The following LDLRAD3 variants were observed in gnomAD, a reference collection of about 807,000 sequenced individuals.
The protein encoded by LDLRAD3 is low density lipoprotein receptor class A domain containing 3.
LDLRAD3 carries 20 observed loss-of-function variants against 29.4 expected under a neutral mutation model. The ratio of observed to expected loss-of-function variants is 0.68; its 90% CI spans 0.48 to 0.99. The LOEUF is 0.99. Ranked by LOEUF, LDLRAD3 falls within the 50% of genes least tolerant of loss-of-function variation. LDLRAD3 has a pLI of 0.00. For missense variants in LDLRAD3, 420 were observed against 454.3 expected (o/e 0.92, Z 0.69); for synonymous variants, 157 against 192.7 (o/e 0.81, Z 1.53).
intron 4 of LDLRAD3, among the ~76,000 whole-genome samples, chr11:36,136,825 G>T (rs1854011308): frequency 6.6e-6 from 1 of 151,938 alleles, no homozygotes; most frequent in East Asian, 1.9e-4. Flanking sequence ...TGAGTAGCTG[G>T]GATTACAGGT....
intron 1 of LDLRAD3, chr11:35,967,094 C>A: frequency 5.0e-6 from 1 of 200,116 alleles, no homozygotes; most frequent in East Asian, 1.3e-4. Flanking sequence ...TTTCTGATCC[C>A]GTGTGGTCCC....
intron 4 of LDLRAD3, among the ~76,000 whole-genome samples, chr11:36,205,114 T>G (rs772491962): frequency 6.6e-6 from 1 of 152,238 alleles, no homozygotes; most frequent in Non-Finnish European, 1.5e-5. Context: ...AGCGCCATGT[T>G]CTGTTCATTT....
At position 36,231,568 on chromosome 11, in the gene LDLRAD3, A is replaced by G. The variant is rs1426302728; in HGVS notation, c.*2171A>G. On this transcript the variant is annotated 3_prime_UTR_variant, in exon 6 of 6. Coordinates refer to ENST00000315571, the MANE Select transcript of LDLRAD3 (RefSeq NM_174902.4). ...ATTTTAATTAATTGCGCAGTGAGTTAATCTCACTCGCTTTTCTGCTTCCAG... is the reference window on the plus strand; with the variant it reads ...ATTTTAATTAATTGCGCAGTGAGTTGATCTCACTCGCTTTTCTGCTTCCAG... The G allele has an allele frequency of 6.6e-6, 1 of 152,164 alleles. No homozygotes were observed. The highest frequency in any genetic ancestry group is 1.5e-5 in the Non-Finnish European group (1 of 68,028). The allele number at this position is 152,164 out of a possible 1,614,324, so 9.4% of individuals were successfully genotyped here.
chr11:36,191,582 A>C (rs554133249), intron 4 of LDLRAD3, among the ~76,000 whole-genome samples: 1,610 of 73,654 alleles, frequency 0.022, 14 homozygotes, highest in African/African-American at 0.037. Context: ...CTCTCTATAT[A>C]TATATATATA....
At chr11:36,027,860 C>T (rs1852187644) in intron 1 of LDLRAD3, among the ~76,000 whole-genome samples, 1 of 152,168 alleles carries the variant, frequency 6.6e-6, no homozygotes, top group Non-Finnish European at 1.5e-5. Flanking sequence ...TTATCACAAG[C>T]CAGATAAAAT....
At position 35,977,569 on chromosome 11, in the gene LDLRAD3, A is replaced by T. The variant is rs545391687; in HGVS notation, c.46+33425A>T. ...TCTCCCAAGCAGCTTTACTAGAGGA[A>T]TAAGAGGTATCCTGGGAGAGTACAG... On this transcript the variant is annotated intron_variant, in intron 1 of 5. Transcript: ENST00000315571. Among the ~76,000 whole-genome samples, 156 of 152,288 alleles carry T rather than the reference A, an allele frequency of 1.0e-3. 1 individual carries two copies. The highest frequency in any genetic ancestry group is 3.5e-3 in the African/African-American group (147 of 41,570).
At chr11:36,071,555 T>C (rs745707339) in intron 2 of LDLRAD3, among the ~76,000 whole-genome samples, 3 of 152,236 alleles carry the variant, frequency 2.0e-5, no homozygotes, top group African/African-American at 4.8e-5. Flanking sequence ...TGATGATGTG[T>C]ACCAGTAGTT....
chr11:35,967,520 T>A, intron 1 of LDLRAD3: 1 of 365,078 alleles, frequency 2.7e-6, no homozygotes, highest in South Asian at 2.2e-5. Flanking sequence ...GCAGCAACTA[T>A]CTGCTTTTTC....
chr11:35,955,834 T>G (rs112889301), intron 1 of LDLRAD3, among the ~76,000 whole-genome samples: 1,746 of 152,328 alleles, frequency 0.011, 40 homozygotes, highest in African/African-American at 0.04. Flanking sequence ...AATGGGGAAG[T>G]GCTCATCAGG....
At chr11:36,122,578 T>C (rs1034198833) in intron 4 of LDLRAD3, among the ~76,000 whole-genome samples, 1 of 152,142 alleles carries the variant, frequency 6.6e-6, no homozygotes, top group Admixed American at 6.5e-5. Flanking sequence ...TAATAATTAC[T>C]ATTATTATTA....
At chr11:36,192,934 C>T (rs1233357750) in intron 4 of LDLRAD3, among the ~76,000 whole-genome samples, 1 of 152,194 alleles carries the variant, frequency 6.6e-6, no homozygotes, top group African/African-American at 2.4e-5. Context: ...TACTTACTAG[C>T]TGGGTGCAAC....
rs75292238 is a variant in LDLRAD3, at chr11:36,079,063, G to T, written c.194-2590G>T. The stretch of plus-strand genomic sequence containing the variant: ...TGGGGTTTTTGGCTCCCTCAGGGAC[G>T]CAGGGCACAGGGGACCTACTGCCGC... On this transcript the variant is annotated intron_variant, in intron 2 of 5. Coordinates refer to ENST00000315571, the MANE Select transcript of LDLRAD3 (RefSeq NM_174902.4). Among the ~76,000 whole-genome samples the T allele has an allele frequency of 4.6e-3, 703 of 152,268 alleles. 6 individuals carry two copies. The highest frequency in any genetic ancestry group is 0.016 in the African/African-American group (671 of 41,568).
intron 4 of LDLRAD3, among the ~76,000 whole-genome samples, chr11:36,137,418 A>T (rs2133311620): frequency 6.6e-6 from 1 of 152,354 alleles, no homozygotes; most frequent in South Asian, 2.1e-4. Context: ...GTAACCTCTC[A>T]TCAGAATTAG....
intron 1 of LDLRAD3, among the ~76,000 whole-genome samples, chr11:35,988,361 T>C (rs1851640475): frequency 6.6e-6 from 1 of 152,114 alleles, no homozygotes; most frequent in Admixed American, 6.5e-5. Flanking sequence ...TGCCTGGCTG[T>C]ATGTCTTCTT....
At chr11:36,014,438 C>T (rs767219006) in intron 1 of LDLRAD3, among the ~76,000 whole-genome samples, 1 of 152,188 alleles carries the variant, frequency 6.6e-6, no homozygotes, top group Non-Finnish European at 1.5e-5. Context: ...GGAATGGAAG[C>T]GGCTGGAAGG....
At chr11:36,062,196 T>C (rs1421893365) in intron 2 of LDLRAD3, among the ~76,000 whole-genome samples, 1 of 152,060 alleles carries the variant, frequency 6.6e-6, no homozygotes, top group Non-Finnish European at 1.5e-5. Context: ...ATTTCTATGA[T>C]AAAAATAACT....
intron 4 of LDLRAD3, among the ~76,000 whole-genome samples, chr11:36,186,695 G>T (rs541771138): frequency 6.6e-6 from 1 of 152,132 alleles, no homozygotes; most frequent in African/African-American, 2.4e-5. Flanking sequence ...GACGGATGGG[G>T]TATGAATCCC....
At chr11:36,098,189 A>G in intron 3 of LDLRAD3, 138 bp from the exon 4 acceptor site, 1 of 1,031,970 alleles carries the variant, frequency 9.7e-7, no homozygotes, top group Non-Finnish European at 1.4e-6. Flanking sequence ...GCCTTACAGC[A>G]TGGGCTTTGA....
intron 1 of LDLRAD3, among the ~76,000 whole-genome samples, chr11:36,031,971 A>G (rs369483519): frequency 1.5e-4 from 23 of 152,218 alleles, no homozygotes; most frequent in African/African-American, 4.8e-4. Context: ...GTGCAGGATT[A>G]GCGTCCTCTG....
Sources: allele counts gnomAD v4.1 joint callset (sites outside exome capture counted in the v4.1 genomes callset), GRCh38; gene constraint gnomAD v4.1.1; transcripts MANE v1.5; gene names NCBI Gene and HGNC (gene_info 2026-07-23, HGNC 2026-07-21).